ABLIM1: variants seen among roughly 807,000 people sequenced by gnomAD.
ABLIM1 encodes the protein actin-binding LIM protein 1.
A neutral mutation model predicts 107.0 loss-of-function variants in ABLIM1; 40 were observed. The ratio of observed to expected loss-of-function variants is 0.37; its 90% CI spans 0.29 to 0.49. The LOEUF is 0.49. ABLIM1 is among the 20% of genes least tolerant of loss of function. ABLIM1 has a pLI of 0.97. For missense variants in ABLIM1, 857 were observed against 1,008.5 expected, an observed-to-expected ratio of 0.85 and a Z score of 2.04; for synonymous variants, 357 against 357.3, an observed-to-expected ratio of 1.00 and a Z score of 0.01.
chr10:114,688,093 C>T (rs1395897147), upstream of ABLIM1, among the ~76,000 whole-genome samples: 1 of 152,080 alleles, frequency 6.6e-6, no homozygotes, highest in African/African-American at 2.4e-5. Flanking sequence ...TTGTCCCAAC[C>T]TAATAAAAGG....
At chr10:114,507,802 T>C (rs567846876) in intron 6 of ABLIM1, among the ~76,000 whole-genome samples, 1 of 152,224 alleles carries the variant, frequency 6.6e-6, no homozygotes. Flanking sequence ...GTCACATGGC[T>C]GTTGGGGTGA....
intron 1 of ABLIM1, among the ~76,000 whole-genome samples, chr10:114,705,087 G>T (rs2081393606): frequency 6.6e-6 from 1 of 152,008 alleles, no homozygotes; most frequent in Admixed American, 6.6e-5. Context: ...CAAGTGTGGA[G>T]TCAGCTCCAA....
intron 21 of ABLIM1, 28 bp downstream of exon 21, chr10:114,439,148 T>C (rs1387225276): frequency 2.5e-5 from 41 of 1,613,048 alleles, no homozygotes; most frequent in African/African-American, 5.3e-5. Flanking sequence ...CATTCCCATA[T>C]GAGAGGAAAA....
At chr10:114,481,149 T>C (rs2057303624) in intron 8 of ABLIM1, among the ~76,000 whole-genome samples, 1 of 152,086 alleles carries the variant, frequency 6.6e-6, no homozygotes, top group Non-Finnish European at 1.5e-5. Context: ...ATACTAACCA[T>C]TAAAAACACT....
At chr10:114,450,435 CTTTTT>C (rs1194089510) in intron 14 of ABLIM1, among the ~76,000 whole-genome samples, 1 of 94,328 alleles carries the variant, frequency 1.1e-5, no homozygotes, top group Non-Finnish European at 2.0e-5. Flanking sequence ...TTCTTTCTTT[CTTTTT>C]TTTTTTTTTT....
At chr10:114,676,979 G>A (rs1020048795) in intron 1 of ABLIM1, among the ~76,000 whole-genome samples, 41 of 152,192 alleles carry the variant, frequency 2.7e-4, no homozygotes, top group African/African-American at 9.4e-4. Context: ...CAGGTGATCT[G>A]CCCTGCCTTG....
chr10:114,719,986 G>A lies in ABLIM1; in HGVS notation c.-213+48075C>T, dbSNP rs1045039297. ...TATCAACCCATCACCTAGGTATTAA[G>A]CCCAGCATGTATTAGCTATTTTTCC... On this transcript the variant is annotated intron_variant, in intron 1 of 15. Transcript: ENST00000651092. 2.0e-5 allele frequency among the ~76,000 whole-genome samples: 3 copies of A among 152,094 alleles called. No individual in the cohort carries two copies. The East Asian group carries it at 5.8e-4, about 29-fold the overall frequency.
Position 114,629,394 on chromosome 10 carries a change from A to G in ABLIM1, c.245-27433T>C, listed in dbSNP as rs552250172. 2.6e-5 allele frequency among the ~76,000 whole-genome samples: 4 copies of G among 152,330 alleles called. No individual in the cohort carries two copies. The highest frequency in any genetic ancestry group is 9.6e-5 in the African/African-American group (4 of 41,580). ...AAGGAAGGAGCTAGGCTTTTCTGAGAACAAGAATAAATGGAGAGGATTGGA... is the reference window on the plus strand; with the variant it reads ...AAGGAAGGAGCTAGGCTTTTCTGAGGACAAGAATAAATGGAGAGGATTGGA... On this transcript the variant is annotated intron_variant, in intron 1 of 22. Transcript: ENST00000533213. The surrounding 1 kb of genome is among the most constrained non-coding windows in gnomAD (Gnocchi z 4.0).
Position 114,453,473 on chromosome 10 carries a change from C to T in ABLIM1, c.1452G>A (p.Pro484=), listed in dbSNP as rs147356533. The change falls in exon 13 of 23, where the codon CCG becomes CCA. Residue 484 remains proline (P), a synonymous_variant. Transcript: ENST00000533213. ...PQHFHRPGNE[P]SSGRNSPLPY... is the part of the protein sequence containing the mutation. ...GGAGAGGGGAGTTCCGGCCGCTGGA[C>T]GGCTCATTGCCTCCAATGAGAAGAA... 104 of 1,588,662 alleles carry T rather than the reference C, an allele frequency of 6.5e-5. No homozygotes were observed. Among genetic ancestry groups the T allele is most frequent in the East Asian group, 3.9e-4 (17 of 43,804 alleles).
chr10:114,677,999 G>A (rs571387463), intron 1 of ABLIM1, among the ~76,000 whole-genome samples: 1 of 152,142 alleles, frequency 6.6e-6, no homozygotes, highest in Non-Finnish European at 1.5e-5. Flanking sequence ...ACTTGAATTT[G>A]CATGGTTTCC....
chr10:114,453,854 G>A (rs373145990), intron 12 of ABLIM1, among the ~76,000 whole-genome samples: 9 of 152,118 alleles, frequency 5.9e-5, no homozygotes, highest in South Asian at 2.1e-4. Flanking sequence ...AATCCCAAGC[G>A]TGTAAAGGAG....
intron 1 of ABLIM1, among the ~76,000 whole-genome samples, chr10:114,718,876 G>C (rs759205833): frequency 6.6e-6 from 1 of 152,158 alleles, no homozygotes; most frequent in African/African-American, 2.4e-5. Flanking sequence ...ATAAATATGC[G>C]TATACATGTG....
In ABLIM1 at chr10:114,481,109, G is replaced by A. The variant is rs187535240; in HGVS notation, c.1041+6849C>T. Among the ~76,000 whole-genome samples the A allele has an allele frequency of 2.1e-4, 32 of 152,132 alleles. No individual in the cohort carries two copies. In the East Asian group the frequency reaches 3.3e-3, roughly 16 times the overall value. On this transcript the variant is annotated intron_variant, in intron 8 of 22. Coordinates refer to ENST00000533213, the MANE Select transcript of ABLIM1 (RefSeq NM_002313.7). ...AAATTAATTGAAGACATCCTCTTCC[G>A]TTTCCATTACAGGTCTTATTATTCT...
intron 1 of ABLIM1, among the ~76,000 whole-genome samples, chr10:114,719,994 TG>T (rs2081801492): frequency 6.6e-6 from 1 of 152,200 alleles, no homozygotes; most frequent in African/African-American, 2.4e-5. Flanking sequence ...AAGCCCAGCA[TG>T]TATTAGCTAT....
chr10:114,676,454 C>T (rs753393107), intron 1 of ABLIM1, among the ~76,000 whole-genome samples: 37 of 151,362 alleles, frequency 2.4e-4, no homozygotes, highest in South Asian at 1.5e-3. Context: ...TCCAGCCTGG[C>T]GACAGAGCTA....
At chr10:114,518,815 C>T (rs919470358) in intron 6 of ABLIM1, among the ~76,000 whole-genome samples, 1 of 122,636 alleles carries the variant, frequency 8.2e-6, no homozygotes, top group African/African-American at 2.8e-5. Context: ...TGAGCTCACA[C>T]TACTTAAAAA....
chr10:114,476,572 A>C (rs916882324), intron 8 of ABLIM1, among the ~76,000 whole-genome samples: 6 of 151,784 alleles, frequency 4.0e-5, no homozygotes, highest in African/African-American at 1.5e-4. Flanking sequence ...TGAACTTGGG[A>C]GGCGGAGGGT....
At chr10:114,517,641 C>T (rs1021014377) in intron 6 of ABLIM1, among the ~76,000 whole-genome samples, 3 of 152,088 alleles carry the variant, frequency 2.0e-5, no homozygotes, top group African/African-American at 7.2e-5. Context: ...CAATGTGGGT[C>T]TGTACTTTTT....
chr10:114,551,068 G>C (rs1271793187), intron 4 of ABLIM1, among the ~76,000 whole-genome samples: 2 of 152,148 alleles, frequency 1.3e-5, no homozygotes. Context: ...CATGGGCATT[G>C]GTGTCAGGAA....
Sources: gnomAD v4.1 joint callset for allele counts (sites outside exome capture counted in the v4.1 genomes callset) on GRCh38, gnomAD v4.1.1 for gene constraint, Gnocchi (gnomAD v3.1) non-coding constraint, MANE v1.5 for transcripts, NCBI Gene and HGNC (gene_info 2026-07-23, HGNC 2026-07-21) for gene names.